The following NIF3L1 variants were observed in gnomAD, a reference collection of about 807,000 sequenced individuals.
The protein encoded by NIF3L1 is NIF3-like protein 1.
Under a neutral mutation model 35.0 loss-of-function variants are expected in NIF3L1, and 26 were observed. That is an observed-to-expected ratio of 0.74 (90% confidence interval 0.54 to 1.03). The LOEUF (loss-of-function observed/expected upper bound fraction) is 1.03, where lower values mean the gene tolerates loss of function less well. NIF3L1 is among the 50% of genes least tolerant of loss of function. The pLI, the probability that NIF3L1 is intolerant of heterozygous loss-of-function variation, is 0.00. For synonymous variants in NIF3L1, 157 were observed against 178.9 expected, an observed-to-expected ratio of 0.88 and a Z score of 0.98; for missense variants, 449 against 466.3, an observed-to-expected ratio of 0.96 and a Z score of 0.34.
Position 200,892,014 on chromosome 2 carries a change from C to T in NIF3L1, c.71C>T (p.Ser24Phe), listed in dbSNP as rs768332838. The T allele has an allele frequency of 5.0e-6, 8 of 1,614,050 alleles. No homozygotes were observed. In the Admixed American group the frequency reaches 1.2e-4, roughly 24 times the overall value. The stretch of plus-strand genomic sequence containing the variant: ...GTAGATTCCCTGATCTGCAATTCTT[C>T]CCGTTCCTTCATGGATTTGAAGGCT... Reference protein sequence around the residue: ...RFVDSLICNSSRSFMDLKALL... With the variant: ...RFVDSLICNSFRSFMDLKALL... The change falls in exon 2 of 7, where the codon TCC becomes TTC. Residue 24 changes from serine (S) to phenylalanine (F), a missense_variant. Coordinates refer to ENST00000409020, the MANE Select transcript of NIF3L1 (RefSeq NM_001369441.2).
chr2:200,892,083 A>C lies in NIF3L1; in HGVS notation c.140A>C (p.Glu47Ala). ...LNDFASLSFA[E>A]SWDNVGLLVE... ...GACTTTGCATCCCTCTCGTTTGCTG[A>C]GAGTTGGGACAATGTTGGATTACTG... The change falls in exon 2 of 7, where the codon GAG becomes GCG. Residue 47 changes from glutamate to alanine, a missense_variant. Glu to Ala is a moderately radical substitution (Grantham distance 107, BLOSUM62 -1). Coordinates refer to ENST00000409020, the MANE Select transcript of NIF3L1 (RefSeq NM_001369441.2). 1.2e-6 allele frequency: 2 copies of C among 1,614,174 alleles called. No homozygotes were observed. The highest frequency in any genetic ancestry group is 1.7e-6 in the Non-Finnish European group (2 of 1,180,042).
rs186054275 is a variant in NIF3L1, at chr2:200,895,465, G to A, written c.726+75G>A. ...CTAACAGTATAATTGAGGTATAATT[G>A]ATATACTTAGGTATATTGAGGTATA... On this transcript the variant is annotated intron_variant, in intron 4 of 6. Coordinates refer to ENST00000409020, the MANE Select transcript of NIF3L1 (RefSeq NM_001369441.2). 3.7e-5 allele frequency: 54 copies of A among 1,462,514 alleles called. No individual in the cohort carries two copies. The African/African-American group carries it at 6.4e-4, about 17-fold the overall frequency. The allele number at this position is 1,462,514 out of a possible 1,614,324, so 90.6% of individuals were successfully genotyped here.
chr2:200,896,155 G>A (rs894576847), intron 4 of NIF3L1, among the ~76,000 whole-genome samples: 2 of 152,106 alleles, frequency 1.3e-5, no homozygotes, highest in Non-Finnish European at 2.9e-5. Flanking sequence ...TGCGATGAGA[G>A]TAGTCTCACC....
Position 200,903,443 on chromosome 2 carries a change from C to T in NIF3L1, c.950-51C>T, listed in dbSNP as rs779869275. 8.2e-6 allele frequency: 12 copies of T among 1,468,568 alleles called. No homozygotes were observed. In the South Asian group the frequency reaches 1.3e-4, roughly 15 times the overall value. The allele number at this position is 1,468,568 out of a possible 1,614,324, so 91.0% of individuals were successfully genotyped here. On this transcript the variant is annotated intron_variant, in intron 6 of 6. Coordinates refer to ENST00000409020, the MANE Select transcript of NIF3L1 (RefSeq NM_001369441.2). ...ATTTCTGCTTTTGTGTTTCCTCATT[C>T]CACAGATTCCATATTTAGCATTTAA...
At chr2:200,899,259 A>G (rs2040372387) in intron 5 of NIF3L1, 126 bp from the exon 6 acceptor site, 2 of 602,136 alleles carry the variant, frequency 3.3e-6, no homozygotes, top group African/African-American at 1.8e-5. Flanking sequence ...AGTAAGAACA[A>G]TTCATATACT....
intron 3 of NIF3L1, 81 bp from the exon 4 acceptor site, chr2:200,895,183 A>G (rs1478630352): frequency 3.8e-6 from 5 of 1,327,236 alleles, no homozygotes; most frequent in Non-Finnish European, 5.4e-6. Flanking sequence ...CTAATCTATT[A>G]TAGTAGGTTT....
intron 6 of NIF3L1, among the ~76,000 whole-genome samples, chr2:200,902,046 A>G (rs1384218502): frequency 6.6e-6 from 1 of 152,222 alleles, no homozygotes; most frequent in Non-Finnish European, 1.5e-5. Context: ...GAACTAAAAA[A>G]TTCTGGAATT....
At chr2:200,895,892 C>G (rs962838924) in intron 4 of NIF3L1, among the ~76,000 whole-genome samples, 2 of 151,802 alleles carry the variant, frequency 1.3e-5, no homozygotes, top group Non-Finnish European at 2.9e-5. Flanking sequence ...ATATTTTCAT[C>G]TACTTTCTGG....
chr2:200,890,525 G>A (rs2040158350), intron 1 of NIF3L1: 1 of 152,106 alleles, frequency 6.6e-6, no homozygotes, highest in South Asian at 2.1e-4. Flanking sequence ...ATTTACAGTT[G>A]GCTATGCTTT....
intron 1 of NIF3L1, among the ~76,000 whole-genome samples, chr2:200,890,302 T>C (rs1182068321): frequency 2.0e-5 from 3 of 152,102 alleles, no homozygotes; most frequent in African/African-American, 7.2e-5. Flanking sequence ...GAGGCTGCAG[T>C]GAGCTGAGAT....
intron 5 of NIF3L1, among the ~76,000 whole-genome samples, 157 bp downstream of exon 5, chr2:200,897,371 T>G (rs1230795087): frequency 1.3e-5 from 2 of 152,108 alleles, no homozygotes; most frequent in African/African-American, 4.8e-5. Flanking sequence ...GGTTCTGATG[T>G]GGAATACATC....
rs1249881299 is a variant in NIF3L1, at chr2:200,895,322, C to T, written c.658C>T (p.Gln220Ter). ...GAATTGTACTCAGAAGGCTTTGATGCAGGTGGTAGATTTTCTTTCCCGGAA... is the reference window on the plus strand; with the variant it reads ...GAATTGTACTCAGAAGGCTTTGATGTAGGTGGTAGATTTTCTTTCCCGGAA... ...NLNCTQKALM[Q>*]VVDFLSRNKQ... The change falls in exon 4 of 7, where the codon CAG becomes TAG. Residue 220 changes from glutamine (Q) to a stop codon, truncating the protein, a stop_gained. Transcript: ENST00000409020. LOFTEE classifies it high-confidence loss of function. The T allele has an allele frequency of 6.2e-7, 1 of 1,613,638 alleles. No homozygotes were observed. Among genetic ancestry groups the T allele is most frequent in the Non-Finnish European group, 8.5e-7 (1 of 1,179,580 alleles).
chr2:200,891,044 C>T lies in NIF3L1; in HGVS notation c.-26-874C>T, dbSNP rs143618324. Among the ~76,000 whole-genome samples, 1,162 of 151,744 alleles carry T rather than the reference C, an allele frequency of 7.7e-3. 17 individuals are homozygous for T. The highest frequency in any genetic ancestry group is 0.027 in the African/African-American group (1,117 of 41,338). On this transcript the variant is annotated intron_variant, in intron 1 of 6. Coordinates refer to ENST00000409020, the MANE Select transcript of NIF3L1 (RefSeq NM_001369441.2). Reference sequence around the variant, plus strand: ...CATGATCTTGGCTCACTGCAACCTCCGCCTCCCAGGTTCAAGTGATTCTCC... The same window carrying T: ...CATGATCTTGGCTCACTGCAACCTCTGCCTCCCAGGTTCAAGTGATTCTCC...
chr2:200,903,596 G>A lies in NIF3L1; in HGVS notation c.1052G>A (p.Arg351Gln), dbSNP rs761419088. 8 of 1,613,762 alleles carry A rather than the reference G, an allele frequency of 5.0e-6. No individual in the cohort carries two copies. In the East Asian group the frequency reaches 8.9e-5, roughly 18 times the overall value. ...GAACGAGGCTTTCTTTCTGACCTTC[G>A]AGATATGCTGGATTCTCACTTGGAG... Reference protein sequence around the residue: ...NTERGFLSDLRDMLDSHLENK... With the variant: ...NTERGFLSDLQDMLDSHLENK... Residue 351 changes from arginine (R) to glutamine (Q), a missense_variant, in exon 7 of 7, where the codon CGA (arginine) becomes CAA (glutamine). Coordinates refer to ENST00000409020, the MANE Select transcript of NIF3L1 (RefSeq NM_001369441.2).
At chr2:200,903,389 A>G (rs1168495897) in intron 6 of NIF3L1, 105 bp from the exon 7 acceptor site, 1 of 854,362 alleles carries the variant, frequency 1.2e-6, no homozygotes, top group African/African-American at 1.7e-5. Flanking sequence ...GCTCTATTAC[A>G]TTCACTTCAT....
In NIF3L1 at chr2:200,895,395, T is replaced by G. The variant is rs1053884549; in HGVS notation, c.726+5T>G. On this transcript the variant is annotated splice_donor_5th_base_variant and intron_variant, in intron 4 of 6. Transcript: ENST00000409020. ...GAAATTCTGTCACTGGAGAAGGTAA[T>G]AAGAATATTTTGTATTTGATCTTAA... is the stretch of plus-strand genomic sequence containing the variant. 2 of 1,613,842 alleles carry G rather than the reference T, an allele frequency of 1.2e-6. 1 individual carries two copies. Among genetic ancestry groups the G allele is most frequent in the Non-Finnish European group, 1.7e-6 (2 of 1,179,806 alleles).
At position 200,893,339 on chromosome 2, in the gene NIF3L1, A is replaced by G; in HGVS notation, c.530A>G (p.Gln177Arg). 1 of 1,613,740 alleles carries G rather than the reference A, an allele frequency of 6.2e-7. No homozygotes were observed. The highest frequency in any genetic ancestry group is 8.5e-7 in the Non-Finnish European group (1 of 1,179,810). ...GTAGAATTCAACGTTAACTACACCC[A>G]AGACCTGGACAAAGTCATGTCTGCA... ...HRVEFNVNYT[Q>R]DLDKVMSAVK... Residue 177 changes from glutamine to arginine, a missense_variant, in exon 3 of 7, where the codon CAA (glutamine) becomes CGA (arginine). Physicochemically the swap from Gln to Arg is conservative, Grantham distance 43. Transcript: ENST00000409020.
At position 200,903,715 on chromosome 2, in the gene NIF3L1, G is replaced by C. The variant is rs1002664372; in HGVS notation, c.*37G>C. The C allele has an allele frequency of 7.1e-6, 11 of 1,552,340 alleles. No homozygotes were observed. Among genetic ancestry groups the C allele is most frequent in the Non-Finnish European group, 9.8e-6 (11 of 1,124,056 alleles). On this transcript the variant is annotated 3_prime_UTR_variant, in exon 7 of 7. Transcript: ENST00000409020. ...TCAGGATAACACATTCTACAAATCAGCTGGATGCCAACTTAAATTTGTAAC... is the reference window on the plus strand; with the variant it reads ...TCAGGATAACACATTCTACAAATCACCTGGATGCCAACTTAAATTTGTAAC...
chr2:200,900,690 G>A (rs1007032635), intron 6 of NIF3L1, among the ~76,000 whole-genome samples: 2 of 152,116 alleles, frequency 1.3e-5, no homozygotes, highest in Admixed American at 6.5e-5. Flanking sequence ...ATTTTCTGAA[G>A]ATAAAAGATT....
Sources: gnomAD v4.1 joint callset for allele counts (sites outside exome capture counted in the v4.1 genomes callset) on GRCh38, gnomAD v4.1.1 for gene constraint, MANE v1.5 for transcripts, NCBI Gene and HGNC (gene_info 2026-07-23, HGNC 2026-07-21) for gene names.